TNIK: variants seen among roughly 807,000 people sequenced by gnomAD.
TNIK encodes the protein TRAF2 and NCK interacting kinase, also known as TRAF2 and NCK-interacting protein kinase.
In TNIK, 49 loss-of-function variants were observed where a neutral mutation model predicts 191.3. The ratio of observed to expected loss-of-function variants is 0.26; its 90% CI spans 0.20 to 0.32. TNIK has a LOEUF of 0.32. Among genes scored for constraint, TNIK ranks in the 10% least tolerant of loss-of-function variants. The pLI is 1.00. For synonymous variants in TNIK, 594 were observed against 600.9 expected (o/e 0.99, Z 0.17); for missense variants, 1,155 against 1,702.3 (o/e 0.68, Z 5.66).
chr3:171,233,087 T>A (rs1743862809), intron 2 of TNIK, among the ~76,000 whole-genome samples: 2 of 152,258 alleles, frequency 1.3e-5, no homozygotes, highest in Admixed American at 6.5e-5. Flanking sequence ...CCATCTTTGT[T>A]GAAAATTCAG....
intron 2 of TNIK, chr3:171,347,221 GAAAA>G: frequency 1.8e-5 from 26 of 1,417,482 alleles, no homozygotes; most frequent in Admixed American, 9.6e-5. Flanking sequence ...TTCATTTGCT[GAAAA>G]AAAAAAAAAA....
intron 7 of TNIK, among the ~76,000 whole-genome samples, chr3:171,184,152 CCT>C (rs1014519678): frequency 7.6e-4 from 115 of 152,020 alleles, no homozygotes; most frequent in African/African-American, 2.5e-3. Flanking sequence ...AAATAACTCC[CCT>C]GAGTTAATTT....
intron 1 of TNIK, among the ~76,000 whole-genome samples, chr3:171,382,525 T>C (rs552136482): frequency 6.6e-6 from 1 of 152,280 alleles, no homozygotes; most frequent in African/African-American, 2.4e-5. Context: ...CCGGCCTGAA[T>C]AAATGTTCTA....
intron 2 of TNIK, among the ~76,000 whole-genome samples, chr3:171,230,988 T>C (rs1006300843): frequency 6.6e-6 from 1 of 152,224 alleles, no homozygotes; most frequent in African/African-American, 2.4e-5. Flanking sequence ...AGGGAGTCCC[T>C]GAGGCATGTC....
intron 7 of TNIK, among the ~76,000 whole-genome samples, chr3:171,188,207 A>G (rs6768132): frequency 0.096 from 14,577 of 152,268 alleles, 949 homozygotes; most frequent in African/African-American, 0.18. Flanking sequence ...CAGAAATACC[A>G]TAAAGTAGTC....
At chr3:171,135,661 C>T (rs1336962856) in intron 15 of TNIK, among the ~76,000 whole-genome samples, 1 of 152,194 alleles carries the variant, frequency 6.6e-6, no homozygotes, top group Non-Finnish European at 1.5e-5. Flanking sequence ...AAAGGAAGCA[C>T]ACCAGATGCC....
chr3:171,384,972 G>A (rs1169007271), intron 1 of TNIK, among the ~76,000 whole-genome samples: 1 of 152,164 alleles, frequency 6.6e-6, no homozygotes, highest in Non-Finnish European at 1.5e-5. Context: ...GAGCTAAAGA[G>A]AATGAAGGAA....
intron 25 of TNIK, among the ~76,000 whole-genome samples, chr3:171,084,893 C>T (rs73879284): frequency 0.016 from 2,460 of 152,130 alleles, 58 homozygotes; most frequent in Admixed American, 0.053. Context: ...CCTATGTACC[C>T]CTGGGTCTAC....
At chr3:171,380,693 G>A (rs1411286074) in intron 1 of TNIK, among the ~76,000 whole-genome samples, 1 of 129,792 alleles carries the variant, frequency 7.7e-6, no homozygotes, top group Non-Finnish European at 1.7e-5. Context: ...AATACAGTGA[G>A]CTTCCTTCTT....
At chr3:171,293,098 C>A (rs902131411) in intron 2 of TNIK, among the ~76,000 whole-genome samples, 1 of 152,016 alleles carries the variant, frequency 6.6e-6, no homozygotes, top group Admixed American at 6.5e-5. Context: ...TGCTTTTTTG[C>A]ATTTTGTCCC....
intron 7 of TNIK, among the ~76,000 whole-genome samples, chr3:171,186,750 C>G (rs1198332192): frequency 2.0e-5 from 3 of 152,140 alleles, no homozygotes. Flanking sequence ...GCCAGGTGAG[C>G]CTTCCAGTAC....
intron 2 of TNIK, among the ~76,000 whole-genome samples, chr3:171,246,522 C>A (rs922673646): frequency 1.3e-5 from 2 of 152,090 alleles, no homozygotes; most frequent in Admixed American, 1.3e-4. Context: ...TAAGGAAACG[C>A]ACAAAGAAGT....
At chr3:171,253,452 AG>A (rs1746476511) in intron 2 of TNIK, among the ~76,000 whole-genome samples, 1 of 152,018 alleles carries the variant, frequency 6.6e-6, no homozygotes, top group African/African-American at 2.4e-5. Context: ...TCCAGCTAAA[AG>A]CAAAACCTGT....
intron 16 of TNIK, 28 bp from the exon 17 acceptor site, chr3:171,126,179 C>A: frequency 1.3e-6 from 2 of 1,492,568 alleles, no homozygotes; most frequent in African/African-American, 1.4e-5. Flanking sequence ...ATGAAAACAG[C>A]ACTATTAGAA....
chr3:171,062,136 T>A lies in TNIK; in HGVS notation c.*1745A>T, dbSNP rs1394973470. The stretch of plus-strand genomic sequence containing the variant: ...TCATTAATAGTACATCAGCTGCTTG[T>A]GTATTTAGGCAAAGTCAGTAAGATC... On this transcript the variant is annotated 3_prime_UTR_variant, in exon 33 of 33. Transcript: ENST00000436636. The A allele has an allele frequency of 1.3e-5, 2 of 152,166 alleles. No individual in the cohort carries two copies. Among genetic ancestry groups the A allele is most frequent in the African/African-American group, 4.8e-5 (2 of 41,428 alleles). The allele number at this position is 152,166 out of a possible 1,614,324, so 9.4% of individuals were successfully genotyped here. A position where few individuals can be genotyped will look rare whatever the true frequency, so the allele number is the denominator to read the frequency against.
chr3:171,125,691 A>G (rs554606409), intron 17 of TNIK, among the ~76,000 whole-genome samples: 1 of 152,176 alleles, frequency 6.6e-6, no homozygotes, highest in Non-Finnish European at 1.5e-5. Context: ...CTGTGCTTCA[A>G]TCTACCTGAC....
At chr3:171,413,923 G>T (rs1315397240) in intron 1 of TNIK, among the ~76,000 whole-genome samples, 1 of 152,120 alleles carries the variant, frequency 6.6e-6, no homozygotes, top group Non-Finnish European at 1.5e-5. Context: ...TTGAAGGGGG[G>T]ATTCATGCCT....
At chr3:171,376,314 G>A (rs373897631) in intron 1 of TNIK, among the ~76,000 whole-genome samples, 1 of 152,308 alleles carries the variant, frequency 6.6e-6, no homozygotes, top group East Asian at 1.9e-4. Flanking sequence ...AGCCAGGCAA[G>A]TTCCCTCAAA....
At chr3:171,207,104 T>C (rs571680270) in intron 4 of TNIK, among the ~76,000 whole-genome samples, 2 of 152,256 alleles carry the variant, frequency 1.3e-5, no homozygotes, top group African/African-American at 2.4e-5. Flanking sequence ...TAGCTATCAT[T>C]CCTTGGCTAT....
Sources: gnomAD v4.1 joint callset for allele counts (sites outside exome capture counted in the v4.1 genomes callset) on GRCh38, gnomAD v4.1.1 for gene constraint, MANE v1.5 for transcripts, NCBI Gene and HGNC (gene_info 2026-07-23, HGNC 2026-07-21) for gene names.